The following COG6 variants were observed in gnomAD, a reference collection of about 807,000 sequenced individuals.
COG6 encodes conserved oligomeric Golgi complex subunit 6.
COG6 carries 74 observed loss-of-function variants against 88.8 expected under a neutral mutation model. The observed-to-expected ratio is 0.83, with a 90% CI of 0.69 to 1.01. The LOEUF (loss-of-function observed/expected upper bound fraction) is 1.01. Among genes scored for constraint, COG6 ranks in the 50% least tolerant of loss-of-function variants. The probability of loss-of-function intolerance (pLI) is 0.00; values close to 1 mark genes in which losing one functional copy is unlikely to be tolerated. For synonymous variants in COG6, 286 were observed against 278.7 expected, an observed-to-expected ratio of 1.03 and a Z score of -0.26; for missense variants, 800 against 797.9, an observed-to-expected ratio of 1.00 and a Z score of -0.03.
At chr13:39,662,580 G>A (rs920818927) in intron 3 of COG6, among the ~76,000 whole-genome samples, 2 of 152,144 alleles carry the variant, frequency 1.3e-5, no homozygotes, top group African/African-American at 4.8e-5. Flanking sequence ...CAAATTGATA[G>A]GCTTGGCATT....
chr13:39,682,260 T>A lies in COG6; in HGVS notation c.784T>A (p.Tyr262Asn). The A allele has an allele frequency of 6.3e-7, 1 of 1,598,564 alleles. No individual in the cohort carries two copies. The highest frequency in any genetic ancestry group is 1.7e-5 in the Admixed American group (1 of 59,920). ...MEALQDRPVL[Y>N]KYTLDEFGTA... ...AGCCCTGCAGGACAGACCTGTCTTA[T>A]ATAAGTTGGTGACTTTTTCTTAATT... Residue 262 changes from tyrosine (Y) to asparagine (N), a missense_variant, in exon 8 of 19, where the codon TAT (tyrosine) becomes AAT (asparagine). Physicochemically the swap from Tyr to Asn is moderately radical, Grantham distance 143. Coordinates refer to ENST00000455146, the MANE Select transcript of COG6 (RefSeq NM_020751.3).
chr13:39,693,023 C>G (rs183744420), intron 11 of COG6, among the ~76,000 whole-genome samples: 3 of 151,832 alleles, frequency 2.0e-5, no homozygotes, highest in Admixed American at 2.0e-4. Flanking sequence ...TTCTCTTGTC[C>G]TTTGTTGTTT....
At chr13:39,742,771 A>C (rs188582377) in intron 18 of COG6, among the ~76,000 whole-genome samples, 4 of 152,284 alleles carry the variant, frequency 2.6e-5, no homozygotes, top group Non-Finnish European at 5.9e-5. Flanking sequence ...ACATCTACAG[A>C]ACTCTCCACC....
intron 13 of COG6, among the ~76,000 whole-genome samples, chr13:39,710,275 A>T (rs1878166082): frequency 6.6e-6 from 1 of 151,902 alleles, no homozygotes; most frequent in South Asian, 2.1e-4. Flanking sequence ...TTCTCTTTAA[A>T]TTTTATTTTA....
chr13:39,664,355 C>T (rs9548873), intron 3 of COG6, among the ~76,000 whole-genome samples: 99,743 of 151,314 alleles, frequency 0.66, 33,055 homozygotes, highest in Admixed American at 0.77. Flanking sequence ...TGTTTCTCTA[C>T]GTGCCTCATG....
chr13:39,723,969 G>T (rs1450882248), intron 16 of COG6, among the ~76,000 whole-genome samples: 1 of 151,978 alleles, frequency 6.6e-6, no homozygotes, highest in African/African-American at 2.4e-5. Flanking sequence ...AGAAATAAAG[G>T]AGTGGTGGGA....
At chr13:39,712,582 T>A (rs915464537) in intron 13 of COG6, among the ~76,000 whole-genome samples, 4 of 152,228 alleles carry the variant, frequency 2.6e-5, no homozygotes, top group African/African-American at 9.6e-5. Flanking sequence ...AGAAGATATG[T>A]GCCTGAAATA....
At chr13:39,667,169 A>T (rs185528433) in intron 4 of COG6, among the ~76,000 whole-genome samples, 271 of 152,332 alleles carry the variant, frequency 1.8e-3, no homozygotes, top group African/African-American at 6.1e-3. Context: ...CACAATTTTA[A>T]GACTAGTTGA....
Position 39,687,769 on chromosome 13 carries a change from GAAGCTCTCTTA to G in COG6, c.984_994del (p.Leu329CysfsTer7), listed in dbSNP as rs1364858932. The G allele has an allele frequency of 2.5e-6, 4 of 1,613,940 alleles. No individual in the cohort carries two copies. In the East Asian group the frequency reaches 6.7e-5, roughly 27 times the overall value. ...TACTGCTTCTGAAAAGGAACACCTT[GAAGCTCTCTTA>G]AAGCATGTAACTACACAAGGTGGGT... On this transcript the variant is annotated frameshift_variant, in exon 10 of 19. Coordinates refer to ENST00000455146, the MANE Select transcript of COG6 (RefSeq NM_020751.3). LOFTEE classifies it high-confidence loss of function.
chr13:39,655,754 G>A lies in COG6; in HGVS notation c.28G>A (p.Ala10Thr), dbSNP rs3812882. Residue 10 changes from alanine to threonine, a missense_variant, in exon 1 of 19, where the codon GCA becomes ACA. Coordinates refer to ENST00000455146, the MANE Select transcript of COG6 (RefSeq NM_020751.3). ...GGCAGAGGGCAGCGGGGAAGTGGTC[G>A]CAGTGTCTGCGACCGGGGCTGCCAA... is the stretch of plus-strand genomic sequence containing the variant. MAEGSGEVVAVSATGAANGL... is the reference protein window; with the variant it reads MAEGSGEVVTVSATGAANGL... The A allele has an allele frequency of 0.41, 659,307 of 1,591,734 alleles. 140,263 individuals are homozygous for A. Among genetic ancestry groups the A allele is most frequent in the Admixed American group, 0.63 (36,630 of 57,970 alleles).
intron 10 of COG6, 68 bp from the exon 11 acceptor site, chr13:39,689,692 T>G: frequency 9.7e-7 from 1 of 1,033,210 alleles, no homozygotes; most frequent in East Asian, 2.6e-5. Context: ...ATTTGTTAGT[T>G]TTTTGAACTT....
exon 19 of COG6, chr13:39,789,268 G>A (rs1881867429): frequency 6.6e-6 from 1 of 152,108 alleles, no homozygotes; most frequent in South Asian, 2.1e-4. Context: ...TAAAATAACT[G>A]AACAGTAATA....
chr13:39,766,633 G>A (rs951035050), intron 18 of COG6, among the ~76,000 whole-genome samples: 1 of 152,038 alleles, frequency 6.6e-6, no homozygotes, highest in Admixed American at 6.6e-5. Flanking sequence ...CAGAACTGAG[G>A]CTCTTTATTT....
At chr13:39,682,625 A>G (rs1418148870) in intron 8 of COG6, among the ~76,000 whole-genome samples, 5 of 152,098 alleles carry the variant, frequency 3.3e-5, no homozygotes, top group African/African-American at 1.2e-4. Context: ...ATCAGTACTG[A>G]GAAATATGGT....
At chr13:39,758,391 AAAAAC>A (rs763614960) in intron 18 of COG6, among the ~76,000 whole-genome samples, 3 of 152,272 alleles carry the variant, frequency 2.0e-5, no homozygotes, top group East Asian at 1.9e-4. Context: ...TTCTTCCTTG[AAAAAC>A]AAAACAAAAG....
chr13:39,743,509 A>G (rs1880165020), intron 18 of COG6, among the ~76,000 whole-genome samples: 1 of 152,250 alleles, frequency 6.6e-6, no homozygotes, highest in Non-Finnish European at 1.5e-5. Flanking sequence ...CCTAGAAGAA[A>G]TGGATAAATT....
At chr13:39,702,804 A>G (rs1012868995) in intron 13 of COG6, among the ~76,000 whole-genome samples, 2 of 152,146 alleles carry the variant, frequency 1.3e-5, no homozygotes, top group Non-Finnish European at 2.9e-5. Context: ...CTAAAAAGCT[A>G]TACAACCAGA....
At chr13:39,721,469 T>C (rs895668058) in intron 15 of COG6, among the ~76,000 whole-genome samples, 6 of 152,076 alleles carry the variant, frequency 3.9e-5, no homozygotes, top group Admixed American at 6.6e-5. Flanking sequence ...CAGACTCCAG[T>C]AGCAATTTTC....
chr13:39,766,264 C>A (rs961840957), intron 18 of COG6, among the ~76,000 whole-genome samples: 2 of 152,186 alleles, frequency 1.3e-5, no homozygotes, highest in African/African-American at 4.8e-5. Flanking sequence ...AATACTTCTC[C>A]CACTTGGCAA....
Sources: gnomAD v4.1 joint callset for allele counts (sites outside exome capture counted in the v4.1 genomes callset) on GRCh38, gnomAD v4.1.1 for gene constraint, MANE v1.5 for transcripts, NCBI Gene and HGNC (gene_info 2026-07-23, HGNC 2026-07-21) for gene names.